Variants in NEK10 observed in about 807,000 individuals in gnomAD.
NEK10 encodes serine/threonine-protein kinase Nek10.
In NEK10, 122 loss-of-function variants were observed where a neutral mutation model predicts 159.8. That is an observed-to-expected ratio of 0.76 (90% CI 0.66 to 0.89). The LOEUF (loss-of-function observed/expected upper bound fraction) is 0.89. NEK10 is among the 40% of genes least tolerant of loss of function. The pLI, the probability that NEK10 is intolerant of heterozygous loss-of-function variation, is 0.00. For missense variants in NEK10, 1,342 were observed against 1,323.1 expected (o/e 1.01, Z -0.22); for synonymous variants, 466 against 457.1 (o/e 1.02, Z -0.25).
chr3:27,166,393 G>A (rs979070091), intron 29 of NEK10, among the ~76,000 whole-genome samples: 4 of 152,096 alleles, frequency 2.6e-5, no homozygotes, highest in African/African-American at 9.7e-5. Flanking sequence ...TTGTTTGTTT[G>A]TTTGTTTGTT....
intron 32 of NEK10, among the ~76,000 whole-genome samples, chr3:27,127,426 C>T (rs1007466611): frequency 6.6e-6 from 1 of 152,102 alleles, no homozygotes; most frequent in African/African-American, 2.4e-5. Context: ...TTACACAAAA[C>T]TAGATAGTAC....
intron 23 of NEK10, among the ~76,000 whole-genome samples, chr3:27,233,314 G>A (rs763708472): frequency 1.3e-5 from 2 of 151,834 alleles, no homozygotes; most frequent in Non-Finnish European, 2.9e-5. Flanking sequence ...TAATCATCAG[G>A]GAAACACAAA....
At chr3:27,206,938 C>A (rs1304625713) in intron 23 of NEK10, among the ~76,000 whole-genome samples, 1 of 152,112 alleles carries the variant, frequency 6.6e-6, no homozygotes, top group Non-Finnish European at 1.5e-5. Context: ...CACATGACTT[C>A]CTGGGAAACA....
At chr3:27,150,964 A>AC (rs1402874903) in intron 30 of NEK10, among the ~76,000 whole-genome samples, 3 of 152,160 alleles carry the variant, frequency 2.0e-5, no homozygotes, top group African/African-American at 7.2e-5. Context: ...CTCCTGCAGG[A>AC]CCTAGGAGAC....
At chr3:27,252,820 G>C in intron 23 of NEK10, 1 of 465,946 alleles carries the variant, frequency 2.1e-6, no homozygotes, top group Admixed American at 2.3e-5. Flanking sequence ...GTTAAAGTTT[G>C]GTTTGTGGTA....
chr3:27,242,374 T>C (rs1049490905), intron 23 of NEK10, among the ~76,000 whole-genome samples: 1 of 152,210 alleles, frequency 6.6e-6, no homozygotes, highest in Non-Finnish European at 1.5e-5. Flanking sequence ...CATCCATCCA[T>C]CCAACTATCT....
At chr3:27,366,614 G>A (rs534403773) in intron 1 of NEK10, among the ~76,000 whole-genome samples, 1 of 152,210 alleles carries the variant, frequency 6.6e-6, no homozygotes, top group Non-Finnish European at 1.5e-5. Flanking sequence ...CCATTAGATG[G>A]TCAATAAATA....
At chr3:27,281,616 C>T (rs577793103) in intron 22 of NEK10, among the ~76,000 whole-genome samples, 1 of 152,186 alleles carries the variant, frequency 6.6e-6, no homozygotes, top group East Asian at 1.9e-4. Flanking sequence ...AGCAAGCGAA[C>T]ATCCAAAAAA....
chr3:27,127,998 A>C (rs1942166003), intron 32 of NEK10, among the ~76,000 whole-genome samples: 1 of 152,066 alleles, frequency 6.6e-6, no homozygotes, highest in East Asian at 1.9e-4. Context: ...ATGTCATTAA[A>C]CATGTTCTGT....
intron 23 of NEK10, among the ~76,000 whole-genome samples, chr3:27,254,159 T>C (rs1198028183): frequency 6.6e-6 from 1 of 152,208 alleles, no homozygotes; most frequent in Non-Finnish European, 1.5e-5. Flanking sequence ...CTCAAAAATC[T>C]TTTTTAAAAC....
At chr3:27,150,892 A>T (rs1262079933) in intron 30 of NEK10, among the ~76,000 whole-genome samples, 1 of 152,172 alleles carries the variant, frequency 6.6e-6, no homozygotes, top group East Asian at 1.9e-4. Context: ...GCTCCAGATC[A>T]ACTCCAAGAA....
At chr3:27,354,112 C>T (rs952835695) in intron 1 of NEK10, among the ~76,000 whole-genome samples, 11 of 152,136 alleles carry the variant, frequency 7.2e-5, no homozygotes, top group African/African-American at 2.7e-4. Flanking sequence ...TCTACATAGC[C>T]ACACTGTCCT....
intron 29 of NEK10, among the ~76,000 whole-genome samples, chr3:27,166,653 A>T (rs1024130663): frequency 6.6e-6 from 1 of 152,156 alleles, no homozygotes; most frequent in African/African-American, 2.4e-5. Context: ...ATCCACAATC[A>T]TCTTCACATA....
intron 23 of NEK10, chr3:27,253,023 T>A (rs13082211): frequency 0.034 from 13,694 of 399,412 alleles, 300 homozygotes; most frequent in African/African-American, 0.063. Context: ...ATAATTTTTT[T>A]AAAAATTTAA....
At chr3:27,175,595 A>G (rs1439183923) in intron 26 of NEK10, among the ~76,000 whole-genome samples, 1 of 152,200 alleles carries the variant, frequency 6.6e-6, no homozygotes, top group African/African-American at 2.4e-5. Context: ...GACCGTGCGG[A>G]AGGAATGACT....
intron 23 of NEK10, among the ~76,000 whole-genome samples, chr3:27,248,451 G>T (rs1005194889): frequency 1.3e-5 from 2 of 151,920 alleles, no homozygotes; most frequent in Non-Finnish European, 2.9e-5. Context: ...GCATCATTAG[G>T]TTATTTATTT....
intron 23 of NEK10, among the ~76,000 whole-genome samples, chr3:27,228,500 A>T (rs1382216006): frequency 6.6e-6 from 1 of 152,120 alleles, no homozygotes; most frequent in East Asian, 1.9e-4. Flanking sequence ...CAATTAGCAC[A>T]TTCTGCTTAT....
rs1419883801 is a variant in NEK10 at position 27,214,944 on chromosome 3, T to C, written c.2091-12387A>G. 3.3e-6 allele frequency: 3 copies of C among 909,860 alleles called. No homozygotes were observed. The Admixed American group carries it at 5.2e-5, about 16-fold the overall frequency. The allele number at this position is 909,860 out of a possible 1,614,324, so 56.4% of individuals were successfully genotyped here. On this transcript the variant is annotated intron_variant, in intron 23 of 35. Transcript: ENST00000691995. The stretch of plus-strand genomic sequence containing the variant: ...AAGAAGGTGAGAAGACAATTCCTAA[T>C]CCAAAACCAGTGCCTATCTTCACGA...
chr3:27,125,473 T>C (rs915342242), intron 32 of NEK10, among the ~76,000 whole-genome samples: 10 of 152,132 alleles, frequency 6.6e-5, no homozygotes, highest in South Asian at 4.1e-4. Flanking sequence ...AGTCTTCTGG[T>C]CTTACTTCCC....
Sources: gnomAD v4.1 joint callset for allele counts (sites outside exome capture counted in the v4.1 genomes callset) on GRCh38, gnomAD v4.1.1 for gene constraint, MANE v1.5 for transcripts, NCBI Gene and HGNC (gene_info 2026-07-23, HGNC 2026-07-21) for gene names.